The following USP15 variants were observed in gnomAD, a reference collection of about 807,000 sequenced individuals.
USP15 encodes ubiquitin carboxyl-terminal hydrolase 15.
Under a neutral mutation model 127.1 loss-of-function variants are expected in USP15, and 18 were observed. The ratio of observed to expected loss-of-function variants is 0.14; its 90% confidence interval spans 0.10 to 0.21. The LOEUF is 0.21. Ranked by LOEUF, USP15 falls within the 10% of genes least tolerant of loss-of-function variation. The pLI is 1.00. For synonymous variants in USP15, 364 were observed against 393.7 expected (o/e 0.92, Z 0.89); for missense variants, 805 against 1,159.9 (o/e 0.69, Z 4.44).
In USP15 at chr12:62,407,610, TTAAA is replaced by T. The variant is rs1366709729; in HGVS notation, c.*3237_*3240del. 1 of 152,234 alleles carries T rather than the reference TTAAA, an allele frequency of 6.6e-6. No individual in the cohort carries two copies. The highest frequency in any genetic ancestry group is 1.5e-5 in the Non-Finnish European group (1 of 68,048). 9.4% of individuals were successfully genotyped at this position (152,234 alleles called of 1,614,324 possible). A position where few individuals can be genotyped will look rare whatever the true frequency, so the allele number is the denominator to read the frequency against. ...TTATATACCTTTATTACAATTTTAA[TTAAA>T]TGGTAAATACAATGTGACATTTTTT... On this transcript the variant is annotated 3_prime_UTR_variant, in exon 22 of 22. Coordinates refer to ENST00000280377, the MANE Select transcript of USP15 (RefSeq NM_001252078.2).
chr12:62,403,125 A>T (rs1307008734), intron 21 of USP15, among the ~76,000 whole-genome samples: 1 of 152,076 alleles, frequency 6.6e-6, no homozygotes, highest in Non-Finnish European at 1.5e-5. Flanking sequence ...GCTGTGTGGA[A>T]ATTTCCATTA....
chr12:62,323,097 A>G (rs34251904), intron 5 of USP15, among the ~76,000 whole-genome samples: 9,645 of 152,144 alleles, frequency 0.063, 411 homozygotes, highest in Middle Eastern at 0.11. Context: ...AGCCTTCCCT[A>G]TTTCTCTCAA....
chr12:62,341,640 C>T (rs1430094816), intron 6 of USP15, among the ~76,000 whole-genome samples: 2 of 152,160 alleles, frequency 1.3e-5, no homozygotes, highest in East Asian at 3.9e-4. Context: ...GCTTCTGAAG[C>T]TTTGTTTGCC....
intron 1 of USP15, among the ~76,000 whole-genome samples, chr12:62,289,991 AT>A (rs1293597770): frequency 6.6e-6 from 1 of 151,562 alleles, no homozygotes. Flanking sequence ...TATGATTTCA[AT>A]TTAAAAAAAA....
chr12:62,396,564 T>C (rs2067497092), intron 20 of USP15, among the ~76,000 whole-genome samples, 166 bp downstream of exon 20: 1 of 152,190 alleles, frequency 6.6e-6, no homozygotes, highest in Non-Finnish European at 1.5e-5. Context: ...CCTTTTTTTT[T>C]TCACATAGGG....
Position 62,404,311 on chromosome 12 carries a change from G to A in USP15, c.2882G>A (p.Ser961Asn), listed in dbSNP as rs1463396688. 2 of 1,613,070 alleles carry A rather than the reference G, an allele frequency of 1.2e-6. No homozygotes were observed. The highest frequency in any genetic ancestry group is 8.5e-7 in the Non-Finnish European group (1 of 1,179,282). Residue 961 changes from serine to asparagine, a missense_variant, in exon 22 of 22, where the codon AGT becomes AAT. Ser to Asn is a conservative substitution (Grantham distance 46). Coordinates refer to ENST00000280377, the MANE Select transcript of USP15 (RefSeq NM_001252078.2). ...ASAATGIPLE[S>N]DEDSNDNDND... ...GCTGCCACTGGCATCCCATTAGAAA[G>A]TGATGAAGATAGCAATGATAATGAC...
At chr12:62,352,965 A>T (rs1453553955) in intron 7 of USP15, among the ~76,000 whole-genome samples, 2 of 152,182 alleles carry the variant, frequency 1.3e-5, no homozygotes, top group South Asian at 2.1e-4. Flanking sequence ...TTAAAAGATG[A>T]TGACTAGCTT....
intron 8 of USP15, among the ~76,000 whole-genome samples, chr12:62,360,962 CAAA>C (rs796917545): frequency 7.3e-6 from 1 of 137,874 alleles, no homozygotes. Flanking sequence ...TTGATAAAAG[CAAA>C]AAAAAAAAAT....
intron 6 of USP15, among the ~76,000 whole-genome samples, chr12:62,341,613 G>C (rs1320243138): frequency 6.6e-6 from 1 of 152,122 alleles, no homozygotes. Context: ...GTCTGGAAAG[G>C]ATTTTATTTC....
In USP15 at chr12:62,407,164, G is replaced by A. The variant is rs1236332359; in HGVS notation, c.*2789G>A. On this transcript the variant is annotated 3_prime_UTR_variant, in exon 22 of 22. Transcript: ENST00000280377. ...TATGGACCAGGCACTATATTAAAGT[G>A]TTTATATGCATTCTCTCATTTAATC... is the stretch of plus-strand genomic sequence containing the variant. 2.0e-5 allele frequency: 3 copies of A among 152,164 alleles called. No individual in the cohort carries two copies. Among genetic ancestry groups the A allele is most frequent in the African/African-American group, 7.2e-5 (3 of 41,438 alleles). 9.4% of individuals were successfully genotyped at this position (152,164 alleles called of 1,614,324 possible).
In USP15 at chr12:62,403,386, A is replaced by T. The variant is rs533839747; in HGVS notation, c.2764-807A>T. ...GGAGATCTGAGTAGTGTTGTCACAG[A>T]AGCAAAAAATTGTTTGTTGATAGGA... is the stretch of plus-strand genomic sequence containing the variant. On this transcript the variant is annotated intron_variant, in intron 21 of 21. Transcript: ENST00000280377. Among the ~76,000 whole-genome samples the T allele has an allele frequency of 8.1e-4, 123 of 152,230 alleles. No individual in the cohort carries two copies. In the Middle Eastern group the frequency reaches 0.02, roughly 25 times the overall value.
In USP15 at chr12:62,393,062, G is replaced by A. The variant is rs745517169; in HGVS notation, c.2430G>A (p.Pro810=). The A allele has an allele frequency of 1.7e-5, 28 of 1,613,178 alleles. No homozygotes were observed. The Admixed American group carries it at 2.7e-4, about 15-fold the overall frequency. ...TTCTGTTTATTCTTAGGTATTGTCC[G>A]AATTGTAAAGAACATCAGCAAGCCA... The part of the protein sequence containing the change: ...KLGAEDPWYC[P]NCKEHQQATK... The change falls in exon 19 of 22, where the codon CCG becomes CCA. Residue 810 remains proline, a synonymous_variant. Coordinates refer to ENST00000280377, the MANE Select transcript of USP15 (RefSeq NM_001252078.2).
intron 21 of USP15, 92 bp from the exon 22 acceptor site, chr12:62,404,101 C>T: frequency 7.4e-7 from 1 of 1,349,528 alleles, no homozygotes; most frequent in Non-Finnish European, 9.6e-7. Flanking sequence ...TTTATGCCCT[C>T]TTACCAAAAT....
intron 3 of USP15, among the ~76,000 whole-genome samples, chr12:62,313,797 A>G (rs569495301): frequency 1.4e-4 from 21 of 151,894 alleles, no homozygotes; most frequent in Middle Eastern, 3.4e-3. Flanking sequence ...AAAGTATCAT[A>G]AAAATGTGTG....
rs563037377 is a variant in USP15 at position 62,406,553 on chromosome 12, A to T, written c.*2178A>T. ...CTGTCATTAACTTCTGTTCCCACTA[A>T]AAGAAGTGATGTTAATAATGCCATT... On this transcript the variant is annotated 3_prime_UTR_variant, in exon 22 of 22. Transcript: ENST00000280377. 6.6e-6 allele frequency: 1 copy of T among 152,316 alleles called. No individual in the cohort carries two copies. The highest frequency in any genetic ancestry group is 2.1e-4 in the South Asian group (1 of 4,824). The allele number at this position is 152,316 out of a possible 1,614,324, so 9.4% of individuals were successfully genotyped here.
chr12:62,401,311 T>C, intron 21 of USP15, 36 bp downstream of exon 21: 2 of 1,520,586 alleles, frequency 1.3e-6, no homozygotes, highest in African/African-American at 1.4e-5. Context: ...AACTATGGGA[T>C]TCACTGTCTT....
In USP15 at chr12:62,328,417, G is replaced by A. The variant is rs145426888; in HGVS notation, c.683+2484G>A. ...ATAAAGCTTTCTTTGTAAGTAGATG[G>A]CAAGCTTGGATTTGGCCTGTGAGCC... On this transcript the variant is annotated intron_variant, in intron 6 of 21. Transcript: ENST00000280377. 661 of 324,404 alleles carry A rather than the reference G, an allele frequency of 2.0e-3. 6 individuals are homozygous for A. The highest frequency in any genetic ancestry group is 0.013 in the African/African-American group (600 of 46,920). The allele number at this position is 324,404 out of a possible 1,614,324, so 20.1% of individuals were successfully genotyped here.
chr12:62,383,704 T>G, intron 9 of USP15, 136 bp from the exon 10 acceptor site: 1 of 1,077,640 alleles, frequency 9.3e-7, no homozygotes, highest in Non-Finnish European at 1.3e-6. Context: ...GAATTGATTT[T>G]GGGGTTACAA....
intron 7 of USP15, among the ~76,000 whole-genome samples, chr12:62,353,691 G>T (rs368200156): frequency 3.3e-5 from 5 of 151,514 alleles, no homozygotes; most frequent in Middle Eastern, 3.2e-3. Context: ...GATTTTTTTT[G>T]TACTTCAGCT....
Sources: allele counts gnomAD v4.1 joint callset (sites outside exome capture counted in the v4.1 genomes callset), GRCh38; gene constraint gnomAD v4.1.1; transcripts MANE v1.5; gene names NCBI Gene and HGNC (gene_info 2026-07-23, HGNC 2026-07-21).